Variants in PTPRD observed in about 807,000 individuals in gnomAD.
The protein encoded by PTPRD is receptor-type tyrosine-protein phosphatase delta.
A neutral mutation model predicts 214.5 loss-of-function variants in PTPRD; 34 were observed. The ratio of observed to expected loss-of-function variants is 0.16; its 90% CI spans 0.12 to 0.21. The LOEUF (loss-of-function observed/expected upper bound fraction) is 0.21. Among genes scored for constraint, PTPRD ranks in the 10% least tolerant of loss-of-function variants. The probability of loss-of-function intolerance (pLI) is 1.00; values close to 1 mark genes in which losing one functional copy is unlikely to be tolerated. For missense variants in PTPRD, 2,545 were observed against 2,398.7 expected (o/e 1.06, Z -1.27); for synonymous variants, 1,128 against 845.7 (o/e 1.33, Z -5.79).
At chr9:9,837,894 A>G (rs7868628) in intron 5 of PTPRD, among the ~76,000 whole-genome samples, 68,285 of 152,036 alleles carry the variant, frequency 0.45, 18,119 homozygotes, top group Middle Eastern at 0.61. Flanking sequence ...CATTAGGTAT[A>G]TCTCCTAATG....
intron 8 of PTPRD, among the ~76,000 whole-genome samples, chr9:9,410,388 T>C (rs564149128): frequency 6.6e-6 from 1 of 152,308 alleles, no homozygotes; most frequent in Admixed American, 6.5e-5. Context: ...GAAAAATGAT[T>C]TGTGTCATTG....
At chr9:10,310,753 C>A (rs1390686415) in intron 3 of PTPRD, among the ~76,000 whole-genome samples, 2 of 152,074 alleles carry the variant, frequency 1.3e-5, no homozygotes, top group Middle Eastern at 3.2e-3. Flanking sequence ...GACACACTTA[C>A]GTGTAACACT....
intron 9 of PTPRD, among the ~76,000 whole-genome samples, chr9:9,384,823 A>C (rs1280037271): frequency 6.6e-6 from 1 of 151,994 alleles, no homozygotes; most frequent in East Asian, 1.9e-4. Flanking sequence ...CTATTTGGTG[A>C]CTGTTGCAGA....
At chr9:9,681,914 T>A (rs1298929917) in intron 7 of PTPRD, among the ~76,000 whole-genome samples, 2 of 151,830 alleles carry the variant, frequency 1.3e-5, no homozygotes, top group Non-Finnish European at 2.9e-5. Flanking sequence ...TCATTTACAT[T>A]TATATAGAAG....
At chr9:9,124,905 C>T (rs907008536) in intron 10 of PTPRD, among the ~76,000 whole-genome samples, 5 of 152,064 alleles carry the variant, frequency 3.3e-5, no homozygotes, top group African/African-American at 1.2e-4. Context: ...GGAAATAATC[C>T]AAACAATGAA....
chr9:9,633,224 G>A (rs898197909), intron 7 of PTPRD, among the ~76,000 whole-genome samples: 4 of 152,000 alleles, frequency 2.6e-5, no homozygotes, highest in African/African-American at 9.7e-5. Flanking sequence ...GAACCTGGGA[G>A]GCGGAGGTTG....
At chr9:9,033,432 C>T (rs1289694936) in intron 10 of PTPRD, among the ~76,000 whole-genome samples, 4 of 152,096 alleles carry the variant, frequency 2.6e-5, no homozygotes. Context: ...ATCATTCCCA[C>T]ATCTCAGAAA....
intron 2 of PTPRD, among the ~76,000 whole-genome samples, chr9:10,464,947 G>C (rs1339998160): frequency 2.6e-5 from 4 of 152,004 alleles, no homozygotes; most frequent in African/African-American, 4.8e-5. Flanking sequence ...CAAAATGATG[G>C]TCAAAGACCC....
At chr9:9,035,762 T>C (rs1190520477) in intron 10 of PTPRD, among the ~76,000 whole-genome samples, 1 of 152,166 alleles carries the variant, frequency 6.6e-6, no homozygotes, top group Non-Finnish European at 1.5e-5. Flanking sequence ...GTGATTTTTT[T>C]TTTCTTTCTG....
intron 9 of PTPRD, among the ~76,000 whole-genome samples, chr9:9,247,045 T>A (rs890888659): frequency 5.9e-5 from 9 of 151,902 alleles, no homozygotes; most frequent in Non-Finnish European, 1.0e-4. Flanking sequence ...AGATAAGTCA[T>A]AGAAACTAAA....
chr9:9,970,429 CAAAAA>C (rs35445219), intron 4 of PTPRD, among the ~76,000 whole-genome samples: 16 of 92,158 alleles, frequency 1.7e-4, no homozygotes, highest in African/African-American at 5.6e-4. Flanking sequence ...GACTCCTTCT[CAAAAA>C]AAAAAAAAAG....
At chr9:9,544,307 C>T (rs977391366) in intron 8 of PTPRD, among the ~76,000 whole-genome samples, 5 of 151,466 alleles carry the variant, frequency 3.3e-5, no homozygotes, top group Non-Finnish European at 5.9e-5. Context: ...GAATTAAAAG[C>T]TTATTTTTAG....
rs76159470 is a variant in PTPRD at position 10,329,126 on chromosome 9, A to G, written c.-545+11837T>C. Among the ~76,000 whole-genome samples, 1,246 of 151,904 alleles carry G rather than the reference A, an allele frequency of 8.2e-3. 17 individuals carry two copies. The highest frequency in any genetic ancestry group is 0.028 in the African/African-American group (1,180 of 41,508). ...TTTCTGTTGAATATGAGAGTTGCCT[A>G]TGAAGTGTGGTTTTATCTTTCCCAT... On this transcript the variant is annotated intron_variant, in intron 3 of 45. Coordinates refer to ENST00000381196, the MANE Select transcript of PTPRD (RefSeq NM_002839.4).
At chr9:9,730,761 G>T (rs2098175238) in intron 7 of PTPRD, among the ~76,000 whole-genome samples, 1 of 152,008 alleles carries the variant, frequency 6.6e-6, no homozygotes, top group South Asian at 2.1e-4. Flanking sequence ...AACTAATTAA[G>T]CTCTCTGACC....
At chr9:10,024,581 T>C (rs1237471937) in intron 4 of PTPRD, among the ~76,000 whole-genome samples, 1 of 152,136 alleles carries the variant, frequency 6.6e-6, no homozygotes, top group Non-Finnish European at 1.5e-5. Context: ...CATTTCCAAT[T>C]TTGTCCAAAT....
At chr9:9,014,782 T>A (rs544537182) in intron 11 of PTPRD, among the ~76,000 whole-genome samples, 2 of 152,238 alleles carry the variant, frequency 1.3e-5, no homozygotes, top group African/African-American at 4.8e-5. Context: ...AAACACGATG[T>A]TTAGAAAGGG....
chr9:10,276,838 T>C (rs1265040336), intron 3 of PTPRD, among the ~76,000 whole-genome samples: 1 of 152,076 alleles, frequency 6.6e-6, no homozygotes, highest in Admixed American at 6.6e-5. Context: ...CAAATTAGAG[T>C]TGTTGGCCAG....
rs2098299897 is a variant in PTPRD at position 9,736,600 on chromosome 9, A to AGAAAATATTT, written c.-325-2039_-325-2030dup. On this transcript the variant is annotated intron_variant, in intron 6 of 45. Transcript: ENST00000381196. ...AGAATTGCCATTGTTGCACTTTTCC[A>AGAAAATATTT]GAAAATATTTCTTTTCTGCTTAATT... Among the ~76,000 whole-genome samples the AGAAAATATTT allele has an allele frequency of 2.0e-5, 3 of 152,146 alleles. No individual in the cohort carries two copies. The South Asian group carries it at 6.2e-4, about 31-fold the overall frequency.
chr9:9,336,893 G>A (rs115159642), intron 9 of PTPRD, among the ~76,000 whole-genome samples: 1,931 of 152,104 alleles, frequency 0.013, 37 homozygotes, highest in African/African-American at 0.043. Flanking sequence ...TGTGAACTTC[G>A]ACAGCTATTA....
Sources: gnomAD v4.1 joint callset for allele counts (sites outside exome capture counted in the v4.1 genomes callset) on GRCh38, gnomAD v4.1.1 for gene constraint, MANE v1.5 for transcripts, NCBI Gene and HGNC (gene_info 2026-07-23, HGNC 2026-07-21) for gene names.